TMEM106C: variants seen among roughly 807,000 people sequenced by gnomAD.
TMEM106C encodes the protein endoplasmic reticulum membrane protein overexpressed in cancer.
TMEM106C carries 27 observed loss-of-function variants against 30.8 expected under a neutral mutation model. The observed-to-expected ratio is 0.88, with a 90% confidence interval of 0.65 to 1.21. The LOEUF is 1.21. Among genes scored for constraint, TMEM106C ranks in the 50% most tolerant of loss-of-function variants. TMEM106C has a pLI of 0.00. For missense variants in TMEM106C, 288 were observed against 307.8 expected (o/e 0.94, Z 0.48); for synonymous variants, 123 against 118.8 (o/e 1.04, Z -0.23).
chr12:47,968,276 G>T lies in TMEM106C; in HGVS notation c.*47G>T. ...CACAGCGCCTGTAGAAGAGAGCACA[G>T]CATATGTTCCCAAGGCCTGAGTTCT... On this transcript the variant is annotated 3_prime_UTR_variant, in exon 8 of 8. Transcript: ENST00000429772. 6.8e-7 allele frequency: 1 copy of T among 1,463,018 alleles called. No individual in the cohort carries two copies. Among genetic ancestry groups the T allele is most frequent in the Non-Finnish European group, 9.6e-7 (1 of 1,045,912 alleles). 90.6% of individuals were successfully genotyped at this position (1,463,018 alleles called of 1,614,324 possible).
chr12:47,968,052 G>C, intron 7 of TMEM106C, 81 bp from the exon 8 acceptor site: 1 of 1,156,874 alleles, frequency 8.6e-7, no homozygotes, highest in Non-Finnish European at 1.3e-6. Flanking sequence ...CTCTGAACTT[G>C]CAAAAAATTT....
chr12:47,967,788 A>G (rs963375326), intron 7 of TMEM106C, among the ~76,000 whole-genome samples: 1 of 152,136 alleles, frequency 6.6e-6, no homozygotes, highest in Non-Finnish European at 1.5e-5. Flanking sequence ...TCTGTGCATT[A>G]TAGGATGTTT....
At chr12:47,967,008 G>A (rs1938248969) in intron 6 of TMEM106C, 200 bp from the exon 7 acceptor site, 4 of 674,144 alleles carry the variant, frequency 5.9e-6, no homozygotes, top group South Asian at 5.5e-5. Flanking sequence ...TATGTGATGG[G>A]TTTGAAAAAA....
rs1938310009 is a variant in TMEM106C at position 47,968,204 on chromosome 12, G to T, written c.728G>T (p.Cys243Phe). The T allele has an allele frequency of 1.2e-6, 2 of 1,613,850 alleles. No individual in the cohort carries two copies. The highest frequency in any genetic ancestry group is 1.7e-6 in the Non-Finnish European group (2 of 1,179,820). ...TTGGAGACACATCACTATGTGGATT[G>T]TGGAGGAAATTCCACAGCTATTTAA... ...SSLETHHYVDCGGNSTAI is the reference protein window; with the variant it reads ...SSLETHHYVDFGGNSTAI Residue 243 changes from cysteine (C) to phenylalanine (F), a missense_variant, in exon 8 of 8, where the codon TGT (cysteine) becomes TTT (phenylalanine). Transcript: ENST00000429772.
Position 47,964,232 on chromosome 12 carries a change from C to T in TMEM106C, c.-5C>T, listed in dbSNP as rs761828222. 4 of 1,611,618 alleles carry T rather than the reference C, an allele frequency of 2.5e-6. No homozygotes were observed. The South Asian group carries it at 3.3e-5, about 13-fold the overall frequency. On this transcript the variant is annotated 5_prime_UTR_variant, in exon 2 of 8. It adds an upstream start codon to the 5' untranslated region. Coordinates refer to ENST00000429772, the MANE Select transcript of TMEM106C (RefSeq NM_001143842.2). ...AGGACATGACACCAGTGGCATATCA[C>T]GGCCATGGGGTCTCAGCATTCCGCT...
rs1938338072 is a variant in TMEM106C, at chr12:47,968,827, C to G, written c.*598C>G. The stretch of plus-strand genomic sequence containing the variant: ...GCTTGATTCACCCTTCATCCATTGG[C>G]TGGAACATGGATTGGGGATTTGATA... On this transcript the variant is annotated 3_prime_UTR_variant, in exon 8 of 8. Transcript: ENST00000429772. 6.4e-6 allele frequency: 1 copy of G among 156,696 alleles called. No individual in the cohort carries two copies. Among genetic ancestry groups the G allele is most frequent in the Non-Finnish European group, 1.4e-5 (1 of 71,292 alleles). The allele number at this position is 156,696 out of a possible 1,614,324, so 9.7% of individuals were successfully genotyped here. A position where few individuals can be genotyped will look rare whatever the true frequency, so the allele number is the denominator to read the frequency against.
In TMEM106C at chr12:47,965,486, A is replaced by G. The variant is rs1040026409; in HGVS notation, c.251+141A>G. 3.8e-5 allele frequency: 30 copies of G among 782,628 alleles called. No homozygotes were observed. The East Asian group carries it at 7.9e-4, about 20-fold the overall frequency. The allele number at this position is 782,628 out of a possible 1,614,324, so 48.5% of individuals were successfully genotyped here. ...TTCCTTATAACTGTTTGCCCAAGCA[A>G]GATATCTCTGCCCCCATCACAATCT... On this transcript the variant is annotated intron_variant, in intron 3 of 7. Transcript: ENST00000429772.
intron 7 of TMEM106C, 73 bp downstream of exon 7, chr12:47,967,334 G>T: frequency 1.3e-6 from 2 of 1,526,666 alleles, no homozygotes; most frequent in Non-Finnish European, 1.8e-6. Context: ...GGAGGCCCCT[G>T]TGTGACCACA....
At chr12:47,966,530 A>T in intron 5 of TMEM106C, 153 bp from the exon 6 acceptor site, 1 of 841,964 alleles carries the variant, frequency 1.2e-6, no homozygotes, top group East Asian at 2.6e-5. Context: ...TGGCAGTATC[A>T]ATTAGAGGCT....
rs375828528 is a variant in TMEM106C at position 47,966,679 on chromosome 12, T to G, written c.553-4T>G. ...ACAGACCAACTCTGGTATCTTATTTTCAGGTGAATTTTACCGGGAAGGCCG... is the reference window on the plus strand; with the variant it reads ...ACAGACCAACTCTGGTATCTTATTTGCAGGTGAATTTTACCGGGAAGGCCG... On this transcript the variant is annotated splice_polypyrimidine_tract_variant and splice_region_variant and intron_variant, in intron 5 of 7. Coordinates refer to ENST00000429772, the MANE Select transcript of TMEM106C (RefSeq NM_001143842.2). 2.5e-6 allele frequency: 4 copies of G among 1,614,106 alleles called. No individual in the cohort carries two copies. In the African/African-American group the frequency reaches 5.3e-5, roughly 22 times the overall value.
intron 5 of TMEM106C, 175 bp downstream of exon 5, chr12:47,966,404 C>G: frequency 1.3e-6 from 1 of 777,640 alleles, no homozygotes. Flanking sequence ...GAAAAAACAG[C>G]TATCATTTAA....
At chr12:47,966,401 C>A in intron 5 of TMEM106C, 172 bp downstream of exon 5, 1 of 788,356 alleles carries the variant, frequency 1.3e-6, no homozygotes, top group Non-Finnish European at 2.0e-6. Context: ...TGAGAAAAAA[C>A]AGCTATCATT....
At position 47,968,189 on chromosome 12, in the gene TMEM106C, A is replaced by G. The variant is rs747001798; in HGVS notation, c.713A>G (p.His238Arg). Residue 238 changes from histidine (H) to arginine (R), a missense_variant, in exon 8 of 8, where the codon CAT becomes CGT. Physicochemically the swap from His to Arg is conservative, Grantham distance 29. Transcript: ENST00000429772. ...GLMTQSSLETHHYVDCGGNST... is the reference protein window; with the variant it reads ...GLMTQSSLETRHYVDCGGNST... Reference sequence around the variant, plus strand: ...ATGACCCAGAGCTCCTTGGAGACACATCACTATGTGGATTGTGGAGGAAAT... The same window carrying G: ...ATGACCCAGAGCTCCTTGGAGACACGTCACTATGTGGATTGTGGAGGAAAT... The G allele has an allele frequency of 1.9e-6, 3 of 1,614,138 alleles. No homozygotes were observed. In the South Asian group the frequency reaches 3.3e-5, roughly 18 times the overall value.
At chr12:47,966,337 T>C in intron 5 of TMEM106C, 108 bp downstream of exon 5, 2 of 1,321,506 alleles carry the variant, frequency 1.5e-6, no homozygotes, top group Non-Finnish European at 2.1e-6. Flanking sequence ...CATTTCTACT[T>C]GTAGGAACTG....
chr12:47,966,618 A>T, intron 5 of TMEM106C, 65 bp from the exon 6 acceptor site: 2 of 1,554,214 alleles, frequency 1.3e-6, no homozygotes, highest in Non-Finnish European at 1.8e-6. Context: ...TTGGATTGCT[A>T]ATAATAATAC....
intron 5 of TMEM106C, 166 bp from the exon 6 acceptor site, chr12:47,966,517 G>C (rs1337238629): frequency 1.3e-6 from 1 of 770,748 alleles, no homozygotes; most frequent in South Asian, 1.8e-5. Context: ...AAAGGGAAGA[G>C]GTTGGCAGTA....
At chr12:47,964,018 G>C in intron 1 of TMEM106C, 191 bp from the exon 2 acceptor site, 1 of 576,336 alleles carries the variant, frequency 1.7e-6, no homozygotes, top group Non-Finnish European at 3.1e-6. Flanking sequence ...CGCCGGCTGT[G>C]TGTGGCGGGT....
Position 47,968,351 on chromosome 12 carries a change from T to G in TMEM106C, c.*122T>G. The G allele has an allele frequency of 1.3e-6, 1 of 773,982 alleles. No individual in the cohort carries two copies. The highest frequency in any genetic ancestry group is 1.4e-5 in the South Asian group (1 of 70,258). The allele number at this position is 773,982 out of a possible 1,614,324, so 47.9% of individuals were successfully genotyped here. On this transcript the variant is annotated 3_prime_UTR_variant, in exon 8 of 8. Transcript: ENST00000429772. ...CAGAGGAGGAATTGGTTCACTTAAC[T>G]CCCAGCAAACATCCTCCTGCCACTT... is the stretch of plus-strand genomic sequence containing the variant.
intron 7 of TMEM106C, 109 bp downstream of exon 7, chr12:47,967,370 A>G: frequency 9.1e-7 from 1 of 1,097,500 alleles, no homozygotes; most frequent in South Asian, 1.3e-5. Flanking sequence ...GCCCGAGGGG[A>G]CACCCTGTGC....
Sources: gnomAD v4.1 joint callset for allele counts (sites outside exome capture counted in the v4.1 genomes callset) on GRCh38, gnomAD v4.1.1 for gene constraint, MANE v1.5 for transcripts, NCBI Gene and HGNC (gene_info 2026-07-23, HGNC 2026-07-21) for gene names.